LRRC4C: variants seen among roughly 807,000 people sequenced by gnomAD.
LRRC4C encodes the protein leucine rich repeat containing 4C, also known as leucine-rich repeat-containing protein 4C.
In LRRC4C, 5 loss-of-function variants were observed where a neutral mutation model predicts 33.6. The ratio of observed to expected loss-of-function variants is 0.15; its 90% CI spans 0.08 to 0.31. The LOEUF (loss-of-function observed/expected upper bound fraction) is 0.31, where lower values mean the gene tolerates loss of function less well. LRRC4C is among the 10% of genes least tolerant of loss of function. The pLI is 1.00. For synonymous variants in LRRC4C, 329 were observed against 302.0 expected (o/e 1.09, Z -0.93); for missense variants, 560 against 796.7 (o/e 0.70, Z 3.58).
At chr11:40,656,532 CT>C (rs1200514519) in intron 2 of LRRC4C, among the ~76,000 whole-genome samples, 1 of 151,126 alleles carries the variant, frequency 6.6e-6, no homozygotes. Flanking sequence ...TATTTATGTC[CT>C]TTCAGCCATT....
chr11:41,342,782 A>G (rs1951682714), intron 1 of LRRC4C, among the ~76,000 whole-genome samples: 1 of 152,152 alleles, frequency 6.6e-6, no homozygotes, highest in South Asian at 2.1e-4. Flanking sequence ...AACAAGCCTC[A>G]CCCCATTTGG....
At chr11:40,763,997 T>G in intron 2 of LRRC4C, among the ~76,000 whole-genome samples, 1 of 152,156 alleles carries the variant, frequency 6.6e-6, no homozygotes, top group South Asian at 2.1e-4. Context: ...AGGGAATGTT[T>G]GTGTCACCCA....
rs1279471547 is a variant in LRRC4C, at chr11:40,387,404, A to C, written c.-269-67683T>G. ...CCCTTTCTTCGGGCACTTTTGTAGCAGGAATTAGGAAGCAGTAACCTGAGG... is the reference window on the plus strand; with the variant it reads ...CCCTTTCTTCGGGCACTTTTGTAGCCGGAATTAGGAAGCAGTAACCTGAGG... On this transcript the variant is annotated intron_variant, in intron 3 of 6. Transcript: ENST00000528697. Among the ~76,000 whole-genome samples, 3 of 152,308 alleles carry C rather than the reference A, an allele frequency of 2.0e-5. 1 individual carries two copies. In the South Asian group the frequency reaches 6.2e-4, roughly 32 times the overall value.
chr11:40,619,974 G>T (rs1274728172), intron 3 of LRRC4C, among the ~76,000 whole-genome samples: 1 of 148,074 alleles, frequency 6.8e-6, no homozygotes, highest in Non-Finnish European at 1.5e-5. Flanking sequence ...ACTGTTGAGT[G>T]TGTTAGCCAA....
At chr11:41,444,598 G>T (rs1955760449) in intron 1 of LRRC4C, among the ~76,000 whole-genome samples, 1 of 152,260 alleles carries the variant, frequency 6.6e-6, no homozygotes, top group East Asian at 1.9e-4. Flanking sequence ...TGTCTTGCAA[G>T]CTTCTAGGTG....
chr11:41,292,518 C>A (rs1038448987), intron 1 of LRRC4C, among the ~76,000 whole-genome samples: 2 of 151,774 alleles, frequency 1.3e-5, no homozygotes, highest in African/African-American at 4.8e-5. Context: ...GGTAGAAATG[C>A]ATAAAAATTA....
At position 41,411,142 on chromosome 11, in the gene LRRC4C, A is replaced by ATTTTTTT. The variant is rs370574515; in HGVS notation, c.-496+48282_-496+48288dup. ...ATGAGAAACACTTGGTTGGTACCCT[A>ATTTTTTT]TTTTTTTTTTTTTTTTTTTTTTTTG... On this transcript the variant is annotated intron_variant, in intron 1 of 6. Coordinates refer to ENST00000528697, the MANE Select transcript of LRRC4C (RefSeq NM_001258419.2). 7.4e-3 allele frequency among the ~76,000 whole-genome samples: 422 copies of ATTTTTTT among 57,190 alleles called. 92 individuals are homozygous for ATTTTTTT. The highest frequency in any genetic ancestry group is 8.7e-3 in the Non-Finnish European group (302 of 34,678). 37.5% of individuals were successfully genotyped at this position (57,190 alleles called of 152,430 possible). A position where few individuals can be genotyped will look rare whatever the true frequency, so the allele number is the denominator to read the frequency against.
chr11:40,957,837 G>A (rs768206958), intron 1 of LRRC4C, among the ~76,000 whole-genome samples: 3 of 151,640 alleles, frequency 2.0e-5, no homozygotes, highest in Non-Finnish European at 4.4e-5. Flanking sequence ...TAGTATTAAG[G>A]AGTAATTAAA....
At chr11:40,228,673 A>G (rs1406065863) in intron 5 of LRRC4C, among the ~76,000 whole-genome samples, 1 of 152,246 alleles carries the variant, frequency 6.6e-6, no homozygotes. Flanking sequence ...AAGAATGCTC[A>G]CAAATCATCT....
chr11:40,155,772 AT>A (rs1858637711), intron 5 of LRRC4C, among the ~76,000 whole-genome samples: 1 of 152,320 alleles, frequency 6.6e-6, no homozygotes, highest in Non-Finnish European at 1.5e-5. Flanking sequence ...ATTCTACCAG[AT>A]GTTCAAAGAA....
At chr11:41,420,895 C>G (rs2138321801) in intron 1 of LRRC4C, among the ~76,000 whole-genome samples, 1 of 151,952 alleles carries the variant, frequency 6.6e-6, no homozygotes, top group South Asian at 2.1e-4. Flanking sequence ...TACAACTATT[C>G]AATAGATGAG....
intron 2 of LRRC4C, among the ~76,000 whole-genome samples, chr11:40,679,117 G>A (rs1422862977): frequency 6.6e-6 from 1 of 152,194 alleles, no homozygotes; most frequent in Non-Finnish European, 1.5e-5. Flanking sequence ...CCCTTGTTAT[G>A]TTTTAGCAAA....
At chr11:40,664,532 G>A (rs952176374) in intron 2 of LRRC4C, among the ~76,000 whole-genome samples, 3 of 137,264 alleles carry the variant, frequency 2.2e-5, no homozygotes, top group South Asian at 5.1e-4. Flanking sequence ...GCGAAAGAGC[G>A]AGACTCTGTC....
rs59205744 is a variant in LRRC4C at position 40,717,273 on chromosome 11, ATT to A, written c.-406-68997_-406-68996del. On this transcript the variant is annotated intron_variant, in intron 2 of 6. Coordinates refer to ENST00000528697, the MANE Select transcript of LRRC4C (RefSeq NM_001258419.2). Reference sequence around the variant, plus strand: ...TTTAAGTTTTTTCAAATGTATGTGTATTTTTTTTTTTTTTCAAGAAAATGAAG... The same window carrying A: ...TTTAAGTTTTTTCAAATGTATGTGTATTTTTTTTTTTTCAAGAAAATGAAG... Among the ~76,000 whole-genome samples the A allele has an allele frequency of 5.3e-3, 746 of 141,502 alleles. 9 individuals are homozygous for A. Among genetic ancestry groups the A allele is most frequent in the African/African-American group, 0.015 (580 of 39,176 alleles). The allele number at this position is 141,502 out of a possible 152,430, so 92.8% of individuals were successfully genotyped here. A position where few individuals can be genotyped will look rare whatever the true frequency, so the allele number is the denominator to read the frequency against.
At chr11:40,305,667 T>C (rs1271217555) in intron 4 of LRRC4C, among the ~76,000 whole-genome samples, 2 of 151,910 alleles carry the variant, frequency 1.3e-5, no homozygotes, top group Non-Finnish European at 2.9e-5. Context: ...ATAGACAACA[T>C]TGGATAAAAG....
At position 40,457,267 on chromosome 11, in the gene LRRC4C, T is replaced by A. The variant is rs530915928; in HGVS notation, c.-269-137546A>T. On this transcript the variant is annotated intron_variant, in intron 3 of 6. Coordinates refer to ENST00000528697, the MANE Select transcript of LRRC4C (RefSeq NM_001258419.2). ...TAAAAATTACAGAAAGGCAGAAAGA[T>A]ATTTTTAAGAAGAAAGTATACCCAT... 2.0e-5 allele frequency among the ~76,000 whole-genome samples: 3 copies of A among 152,158 alleles called. No homozygotes were observed. The South Asian group carries it at 6.2e-4, about 32-fold the overall frequency.
intron 1 of LRRC4C, among the ~76,000 whole-genome samples, chr11:41,113,895 C>G (rs1312258620): frequency 2.0e-5 from 3 of 151,998 alleles, no homozygotes; most frequent in Non-Finnish European, 4.4e-5. Context: ...TGCAATATCT[C>G]CAAAATACAT....
chr11:40,475,411 T>C (rs1007487858), intron 3 of LRRC4C, among the ~76,000 whole-genome samples: 1 of 151,974 alleles, frequency 6.6e-6, no homozygotes, highest in Non-Finnish European at 1.5e-5. Context: ...TGAGAATACA[T>C]GGACACAGGG....
chr11:40,899,388 A>G (rs1008605218), intron 2 of LRRC4C, among the ~76,000 whole-genome samples: 2 of 152,180 alleles, frequency 1.3e-5, no homozygotes, highest in African/African-American at 4.8e-5. Flanking sequence ...CCTGACATCA[A>G]CTAAAAGCAG....
Sources: allele counts gnomAD v4.1 joint callset (sites outside exome capture counted in the v4.1 genomes callset), GRCh38; gene constraint gnomAD v4.1.1; transcripts MANE v1.5; gene names NCBI Gene and HGNC (gene_info 2026-07-23, HGNC 2026-07-21).